The following NKTR variants were observed in gnomAD, a reference collection of about 807,000 sequenced individuals.
The protein encoded by NKTR is NK-tumor recognition protein.
A neutral mutation model predicts 156.3 loss-of-function variants in NKTR; 67 were observed. The ratio of observed to expected loss-of-function variants is 0.43; its 90% CI spans 0.35 to 0.53. The LOEUF is 0.53. Among genes scored for constraint, NKTR ranks in the 20% least tolerant of loss-of-function variants. The probability of loss-of-function intolerance (pLI) is 0.01; values close to 1 mark genes in which losing one functional copy is unlikely to be tolerated. For missense variants in NKTR, 1,604 were observed against 1,730.9 expected (o/e 0.93, Z 1.30); for synonymous variants, 640 against 596.6 (o/e 1.07, Z -1.06).
intron 13 of NKTR, among the ~76,000 whole-genome samples, chr3:42,641,734 C>T (rs1709902180): frequency 6.6e-6 from 1 of 151,922 alleles, no homozygotes; most frequent in African/African-American, 2.4e-5. Flanking sequence ...AAAAATTAGC[C>T]GGGCGTGGTA....
Position 42,635,333 on chromosome 3 carries a change from C to G in NKTR, c.1130C>G (p.Pro377Arg). Reference sequence around the variant, plus strand: ...ATGCAGAGATTAAGAGCATATAGACCACCTAGTGGAGAAAAATGGAGTAAA... The same window carrying G: ...ATGCAGAGATTAAGAGCATATAGACGACCTAGTGGAGAAAAATGGAGTAAA... ...EEMQRLRAYR[P>R]PSGEKWSKGD... The change falls in exon 12 of 17, where the codon CCA becomes CGA. Residue 377 changes from proline to arginine, a missense_variant. By Grantham distance (103) the Pro-to-Arg change is moderately radical. Around this residue, in one of 6 missense-constraint regions of NKTR, gnomAD observed 1,255 missense variants for 1,243.7 expected, o/e 1.01. Transcript: ENST00000232978. The G allele has an allele frequency of 6.2e-7, 1 of 1,611,970 alleles. No individual in the cohort carries two copies. Among genetic ancestry groups the G allele is most frequent in the Non-Finnish European group, 8.5e-7 (1 of 1,178,992 alleles).
In NKTR at chr3:42,648,237, GTCTCA is replaced by G. The variant is rs1252342226; in HGVS notation, c.*2270_*2274del. ...GATAGAACATAATTGCAGGAGTACT[GTCTCA>G]TCTCATCATATTCACGGGTTCTGGA... On this transcript the variant is annotated 3_prime_UTR_variant, in exon 17 of 17. Coordinates refer to ENST00000232978, the MANE Select transcript of NKTR (RefSeq NM_005385.4). 2 of 152,152 alleles carry G rather than the reference GTCTCA, an allele frequency of 1.3e-5. No individual in the cohort carries two copies. The highest frequency in any genetic ancestry group is 2.9e-5 in the Non-Finnish European group (2 of 68,034). The allele number at this position is 152,152 out of a possible 1,614,324, so 9.4% of individuals were successfully genotyped here.
chr3:42,601,020 A>C lies in NKTR; in HGVS notation c.14A>C (p.Asp5Ala). 1 of 1,576,894 alleles carries C rather than the reference A, an allele frequency of 6.3e-7. No individual in the cohort carries two copies. Among genetic ancestry groups the C allele is most frequent in the Middle Eastern group, 2.3e-4 (1 of 4,380 alleles). ...ACCTCGGTCGCGATGGGGGCGCAGG[A>C]CCGGCCGCAGTGCCACTTCGACATC... is the stretch of plus-strand genomic sequence containing the variant. MGAQ[D>A]RPQCHFDIEI... The change falls in exon 2 of 17, where the codon GAC becomes GCC. Residue 5 changes from aspartate (D) to alanine (A), a missense_variant. Physicochemically the swap from Asp to Ala is moderately radical, Grantham distance 126. This residue lies in a region of NKTR where 73 missense variants were observed against 90.7 expected (regional missense o/e 0.80). Transcript: ENST00000232978.
At chr3:42,627,274 CT>C (rs919936608) in intron 6 of NKTR, 1 of 984,578 alleles carries the variant, frequency 1.0e-6, no homozygotes, top group African/African-American at 1.8e-5. Flanking sequence ...GCCTTTATCT[CT>C]TTAATTCTGT....
At chr3:42,627,942 CT>C in intron 6 of NKTR, 7 of 985,332 alleles carry the variant, frequency 7.1e-6, no homozygotes, top group Non-Finnish European at 8.4e-6. Flanking sequence ...CTCTCTGCCT[CT>C]TTTAGTAGAA....
Position 42,604,719 on chromosome 3 carries a change from C to T in NKTR, c.58+3655C>T, listed in dbSNP as rs550997707. On this transcript the variant is annotated intron_variant, in intron 2 of 16. Coordinates refer to ENST00000232978, the MANE Select transcript of NKTR (RefSeq NM_005385.4). The stretch of plus-strand genomic sequence containing the variant: ...TTTTTGAGACTGAGTCTTGCTCTGT[C>T]GCCCAGGCTGGAATGCTGGAGTGCA... 4.1e-4 allele frequency among the ~76,000 whole-genome samples: 42 copies of T among 101,610 alleles called. 1 individual carries two copies. In the South Asian group the frequency reaches 0.011, roughly 26 times the overall value. 66.7% of individuals were successfully genotyped at this position (101,610 alleles called of 152,430 possible).
At chr3:42,626,590 A>G (rs1272241934) in intron 6 of NKTR, among the ~76,000 whole-genome samples, 1 of 152,160 alleles carries the variant, frequency 6.6e-6, no homozygotes, top group Non-Finnish European at 1.5e-5. Flanking sequence ...TTCAATGTGT[A>G]TCTAATATCA....
rs140136843 is a variant in NKTR at position 42,602,659 on chromosome 3, C to T, written c.58+1595C>T. 358 of 143,490 alleles carry T rather than the reference C, an allele frequency of 2.5e-3. 1 individual carries two copies. The highest frequency in any genetic ancestry group is 8.5e-3 in the African/African-American group (334 of 39,118). The allele number at this position is 143,490 out of a possible 1,614,324, so 8.9% of individuals were successfully genotyped here. A position where few individuals can be genotyped will look rare whatever the true frequency, so the allele number is the denominator to read the frequency against. On this transcript the variant is annotated intron_variant, in intron 2 of 16. Transcript: ENST00000232978. ...TTTTTTTTTTTTTAAATAAGTGTTA[C>T]TAGAAAGCCTTGATGGACCTTAATC...
At chr3:42,631,402 G>A in intron 8 of NKTR, 86 bp downstream of exon 8, 2 of 1,495,246 alleles carry the variant, frequency 1.3e-6, no homozygotes, top group Non-Finnish European at 1.8e-6. Flanking sequence ...AGTGGAACTA[G>A]TGGTATAGCA....
intron 2 of NKTR, chr3:42,601,358 T>C (rs1183614593): frequency 3.7e-6 from 1 of 270,460 alleles, no homozygotes; most frequent in Non-Finnish European, 7.0e-6. Context: ...TGAGGACTTT[T>C]TCTCTCCCAG....
Position 42,637,627 on chromosome 3 carries a change from C to G in NKTR, c.1923C>G (p.Thr641=). Residue 641 remains threonine (T), a synonymous_variant, in exon 13 of 17, where the codon ACC becomes ACG. Coordinates refer to ENST00000232978, the MANE Select transcript of NKTR (RefSeq NM_005385.4). The part of the protein sequence containing the change: ...ERIQEMKAKT[T]HLLPIQSTYS... ...TTCAGGAAATGAAAGCTAAAACAAC[C>G]CATTTGCTACCCATCCAAAGCACTT... is the stretch of plus-strand genomic sequence containing the variant. 1 of 1,610,200 alleles carries G rather than the reference C, an allele frequency of 6.2e-7. No individual in the cohort carries two copies. The highest frequency in any genetic ancestry group is 8.5e-7 in the Non-Finnish European group (1 of 1,179,004).
intron 2 of NKTR, among the ~76,000 whole-genome samples, chr3:42,612,694 G>A (rs1706957445): frequency 6.6e-6 from 1 of 152,116 alleles, no homozygotes; most frequent in South Asian, 2.1e-4. Flanking sequence ...GCTAGGTATA[G>A]AATTCTTGTT....
intron 6 of NKTR, chr3:42,630,261 T>C: frequency 8.5e-7 from 1 of 1,175,896 alleles, no homozygotes; most frequent in Non-Finnish European, 1.0e-6. Context: ...GTATTCATGC[T>C]GTGTATTTAT....
At position 42,648,408 on chromosome 3, in the gene NKTR, A is replaced by T. The variant is rs1411509032; in HGVS notation, c.*2433A>T. The T allele has an allele frequency of 6.6e-6, 1 of 152,248 alleles. No homozygotes were observed. Among genetic ancestry groups the T allele is most frequent in the Non-Finnish European group, 1.5e-5 (1 of 68,046 alleles). 9.4% of individuals were successfully genotyped at this position (152,248 alleles called of 1,614,324 possible). A position where few individuals can be genotyped will look rare whatever the true frequency, so the allele number is the denominator to read the frequency against. On this transcript the variant is annotated 3_prime_UTR_variant, in exon 17 of 17. Coordinates refer to ENST00000232978, the MANE Select transcript of NKTR (RefSeq NM_005385.4). ...TCATTTCTTTTCTCCATGGAAAAGG[A>T]CAGCCCTCTGCTGCAGCGTTCAACT... is the stretch of plus-strand genomic sequence containing the variant.
At chr3:42,632,845 A>T in intron 9 of NKTR, 22 bp downstream of exon 9, 1 of 1,504,706 alleles carries the variant, frequency 6.6e-7, no homozygotes, top group South Asian at 1.4e-5. Context: ...ACACCAATGT[A>T]CTCTTACCTA....
chr3:42,618,839 A>C (rs1446808056), intron 3 of NKTR, among the ~76,000 whole-genome samples, 181 bp from the exon 4 acceptor site: 1 of 151,866 alleles, frequency 6.6e-6, no homozygotes, highest in Non-Finnish European at 1.5e-5. Context: ...GCTGCTTTGG[A>C]TTATTTATTT....
At position 42,646,102 on chromosome 3, in the gene NKTR, G is replaced by T. The variant is rs1433544275; in HGVS notation, c.*127G>T. 10 of 591,646 alleles carry T rather than the reference G, an allele frequency of 1.7e-5. No individual in the cohort carries two copies. Among genetic ancestry groups the T allele is most frequent in the Non-Finnish European group, 2.7e-5 (9 of 328,378 alleles). The allele number at this position is 591,646 out of a possible 1,614,324, so 36.6% of individuals were successfully genotyped here. Reference sequence around the variant, plus strand: ...TTTCAAAAATAGACACTTCTTAATTGTTACTGGTTCATTTACATGTGGGGA... The same window carrying T: ...TTTCAAAAATAGACACTTCTTAATTTTTACTGGTTCATTTACATGTGGGGA... On this transcript the variant is annotated 3_prime_UTR_variant, in exon 17 of 17. Transcript: ENST00000232978.
At chr3:42,619,363 T>C in intron 4 of NKTR, 9 of 1,188,010 alleles carry the variant, frequency 7.6e-6, no homozygotes, top group Non-Finnish European at 8.9e-6. Flanking sequence ...AGTTACTTAG[T>C]GAATTCCTTT....
At chr3:42,628,886 C>T (rs1390011567) in intron 6 of NKTR, 1 of 239,746 alleles carries the variant, frequency 4.2e-6, no homozygotes, top group East Asian at 1.8e-4. Context: ...CCTATAATCC[C>T]AGCTACTCAG....
Sources: gnomAD v4.1 joint callset for allele counts (sites outside exome capture counted in the v4.1 genomes callset) on GRCh38, gnomAD v4.1.1 for gene constraint, gnomAD v4.1.1 regional missense constraint, MANE v1.5 for transcripts, NCBI Gene and HGNC (gene_info 2026-07-23, HGNC 2026-07-21) for gene names.